The following PHACTR1 variants were observed in gnomAD, a reference collection of about 807,000 sequenced individuals.
The protein encoded by PHACTR1 is RPEL repeat containing 1.
Under a neutral mutation model 69.2 loss-of-function variants are expected in PHACTR1, and 16 were observed. The observed-to-expected ratio is 0.23, with a 90% CI of 0.16 to 0.35. PHACTR1 has a LOEUF of 0.35. Ranked by LOEUF, PHACTR1 falls within the 10% of genes least tolerant of loss-of-function variation. The pLI is 1.00. For synonymous variants in PHACTR1, 312 were observed against 284.5 expected (o/e 1.10, Z -0.97); for missense variants, 510 against 734.7 (o/e 0.69, Z 3.54).
chr6:13,191,087 C>T (rs1024347211), intron 7 of PHACTR1, among the ~76,000 whole-genome samples: 3 of 152,144 alleles, frequency 2.0e-5, no homozygotes, highest in African/African-American at 7.2e-5. Context: ...CCCCATTGAT[C>T]CCCACATTCC....
chr6:13,046,681 GT>G (rs1355478607), intron 4 of PHACTR1, among the ~76,000 whole-genome samples: 1 of 151,800 alleles, frequency 6.6e-6, no homozygotes, highest in East Asian at 1.9e-4. Context: ...AGTCTCTGTT[GT>G]CCCCATCATT....
At chr6:13,130,093 T>A in intron 5 of PHACTR1, among the ~76,000 whole-genome samples, 1 of 152,238 alleles carries the variant, frequency 6.6e-6, no homozygotes, top group Non-Finnish European at 1.5e-5. Context: ...AATTTAAAAA[T>A]TCTTTGAGCT....
intron 4 of PHACTR1, among the ~76,000 whole-genome samples, chr6:12,807,104 A>G (rs1009428650): frequency 2.6e-5 from 4 of 152,184 alleles, no homozygotes; most frequent in African/African-American, 4.8e-5. Flanking sequence ...AAAGATCCTG[A>G]TTCTGAAAGA....
intron 4 of PHACTR1, among the ~76,000 whole-genome samples, chr6:12,858,294 G>A (rs1441995490): frequency 6.6e-6 from 1 of 152,148 alleles, no homozygotes; most frequent in East Asian, 1.9e-4. Context: ...TGCGGAGGCT[G>A]ACGCTTGCTG....
intron 4 of PHACTR1, among the ~76,000 whole-genome samples, chr6:12,875,225 T>G (rs1782415101): frequency 6.6e-6 from 1 of 152,230 alleles, no homozygotes; most frequent in Non-Finnish European, 1.5e-5. Flanking sequence ...TTCAATGGCG[T>G]GCATGTTACA....
chr6:13,021,833 T>C (rs773195537), intron 4 of PHACTR1, among the ~76,000 whole-genome samples: 15 of 152,250 alleles, frequency 9.9e-5, no homozygotes, highest in Non-Finnish European at 2.2e-4. Flanking sequence ...ACACCTTACA[T>C]AAATGTATTT....
At chr6:12,907,902 G>A (rs984575817) in intron 4 of PHACTR1, among the ~76,000 whole-genome samples, 2 of 152,138 alleles carry the variant, frequency 1.3e-5, no homozygotes, top group African/African-American at 2.4e-5. Flanking sequence ...CTTTTCTTAC[G>A]ATGCAGAGTG....
chr6:12,979,897 A>ATGAC (rs915959957), intron 4 of PHACTR1, among the ~76,000 whole-genome samples: 1 of 152,150 alleles, frequency 6.6e-6, no homozygotes, highest in African/African-American at 2.4e-5. Context: ...TTTATTTGGA[A>ATGAC]TGACTGATTT....
At chr6:12,772,855 G>A (rs1769563589) in intron 4 of PHACTR1, among the ~76,000 whole-genome samples, 1 of 152,182 alleles carries the variant, frequency 6.6e-6, no homozygotes, top group East Asian at 1.9e-4. Flanking sequence ...TAAAGTTTCT[G>A]TTTGCACTAG....
chr6:13,171,802 T>C (rs1760662091), intron 6 of PHACTR1, among the ~76,000 whole-genome samples: 1 of 152,154 alleles, frequency 6.6e-6, no homozygotes. Context: ...GTTTCACTCT[T>C]GTTGCCCAGG....
intron 4 of PHACTR1, among the ~76,000 whole-genome samples, chr6:12,791,753 G>A (rs550246381): frequency 2.8e-4 from 42 of 152,268 alleles, no homozygotes; most frequent in African/African-American, 9.1e-4. Context: ...ATAAACAGCC[G>A]TTAAGTGTTT....
chr6:13,182,377 C>T, intron 6 of PHACTR1, 142 bp from the exon 7 acceptor site: 1 of 966,778 alleles, frequency 1.0e-6, no homozygotes, highest in African/African-American at 1.6e-5. Flanking sequence ...AAATAAATGT[C>T]TTAAAAGCAA....
intron 2 of PHACTR1, among the ~76,000 whole-genome samples, chr6:12,718,114 C>T (rs957339839): frequency 5.9e-5 from 9 of 152,162 alleles, no homozygotes; most frequent in Non-Finnish European, 1.3e-4. Context: ...CAAAAATCAG[C>T]CCCTGCCAGG....
At chr6:13,034,873 T>C (rs1803072099) in intron 4 of PHACTR1, among the ~76,000 whole-genome samples, 1 of 152,112 alleles carries the variant, frequency 6.6e-6, no homozygotes, top group Non-Finnish European at 1.5e-5. Context: ...AGCCAGGAAA[T>C]AGATAAATTA....
intron 4 of PHACTR1, among the ~76,000 whole-genome samples, chr6:12,775,415 G>T (rs945485468): frequency 6.6e-6 from 1 of 152,120 alleles, no homozygotes; most frequent in African/African-American, 2.4e-5. Flanking sequence ...TACAGTATGA[G>T]AACACACATC....
At chr6:13,163,986 G>C (rs13196010) in intron 6 of PHACTR1, among the ~76,000 whole-genome samples, 35,868 of 151,626 alleles carry the variant, frequency 0.24, 5,025 homozygotes, top group Non-Finnish European at 0.31. Flanking sequence ...CCTCACCCTA[G>C]GTGACCCTAT....
At chr6:12,757,192 G>C (rs1467839556) in intron 4 of PHACTR1, among the ~76,000 whole-genome samples, 2 of 152,126 alleles carry the variant, frequency 1.3e-5, no homozygotes, top group African/African-American at 4.8e-5. Context: ...CTTCAGTGCG[G>C]GTAAAAGAAT....
chr6:12,777,625 C>CTTTTTTTTTTTTT (rs869096915), intron 4 of PHACTR1, among the ~76,000 whole-genome samples: 13 of 99,016 alleles, frequency 1.3e-4, no homozygotes, highest in East Asian at 3.8e-4. Context: ...CTTTCTTCTT[C>CTTTTTTTTTTTTT]TTTTTTTTTT....
chr6:13,273,127 A>C, intron 11 of PHACTR1: 1 of 630,000 alleles, frequency 1.6e-6, no homozygotes, highest in Non-Finnish European at 2.6e-6. Context: ...TTAGAAGCTC[A>C]CGGGCGGCAG....
Sources: allele counts gnomAD v4.1 joint callset (sites outside exome capture counted in the v4.1 genomes callset), GRCh38; gene constraint gnomAD v4.1.1; transcripts MANE v1.5; gene names NCBI Gene and HGNC (gene_info 2026-07-23, HGNC 2026-07-21).